Variants in ART3 observed in about 807,000 individuals in gnomAD.
The protein encoded by ART3 is ADP-ribosyltransferase 3 (inactive).
Under a neutral mutation model 48.5 loss-of-function variants are expected in ART3, and 49 were observed. The observed-to-expected ratio is 1.01, with a 90% CI of 0.80 to 1.28. The LOEUF is 1.28. ART3 is among the 50% of genes most tolerant of loss of function. ART3 has a pLI of 0.00. For missense variants in ART3, 438 were observed against 454.3 expected, an observed-to-expected ratio of 0.96 and a Z score of 0.33; for synonymous variants, 145 against 157.2, an observed-to-expected ratio of 0.92 and a Z score of 0.58.
At chr4:76,086,818 C>T (rs1227778682) in intron 3 of ART3, among the ~76,000 whole-genome samples, 1 of 152,200 alleles carries the variant, frequency 6.6e-6, no homozygotes, top group African/African-American at 2.4e-5. Flanking sequence ...TAGACGAGCT[C>T]ATGGGAACTG....
chr4:76,043,331 A>G (rs1312419244), intron 1 of ART3, among the ~76,000 whole-genome samples: 1 of 151,852 alleles, frequency 6.6e-6, no homozygotes, highest in African/African-American at 2.4e-5. Context: ...GGGACTGGGC[A>G]CCGTGGAGCA....
At chr4:76,019,337 C>T (rs1232065067) in intron 1 of ART3, among the ~76,000 whole-genome samples, 1 of 150,118 alleles carries the variant, frequency 6.7e-6, no homozygotes, top group East Asian at 2.0e-4. Flanking sequence ...AAAATACAGT[C>T]ATTATTAAAA....
chr4:76,092,487 A>G (rs1446559532), intron 3 of ART3, among the ~76,000 whole-genome samples: 1 of 152,200 alleles, frequency 6.6e-6, no homozygotes, highest in African/African-American at 2.4e-5. Context: ...CTTCTGACAA[A>G]AAAATCTGCT....
intron 9 of ART3, 134 bp from the exon 10 acceptor site, chr4:76,104,463 T>C (rs1414423712): frequency 8.1e-6 from 12 of 1,473,254 alleles, no homozygotes; most frequent in Admixed American, 2.5e-5. Context: ...AGCAGAACTT[T>C]TAAATAAAAA....
intron 1 of ART3, among the ~76,000 whole-genome samples, chr4:76,040,282 G>A (rs979378987): frequency 2.0e-5 from 3 of 152,112 alleles, no homozygotes; most frequent in African/African-American, 7.2e-5. Context: ...CCAAGATCGC[G>A]TCACTGCACT....
At position 76,044,215 on chromosome 4, in the gene ART3, T is replaced by C. The variant is rs531550425; in HGVS notation, c.-9-31666T>C. ...TGTTGCCCAACTCCAGAGATTGGTA[T>C]AAGAATTTGAAAGGCGTTGTCTGAT... On this transcript the variant is annotated intron_variant, in intron 1 of 9. Transcript: ENST00000341029. Among the ~76,000 whole-genome samples the C allele has an allele frequency of 5.9e-5, 9 of 152,124 alleles. No homozygotes were observed. The South Asian group carries it at 1.7e-3, about 28-fold the overall frequency.
chr4:76,097,421 G>GTT, intron 3 of ART3, among the ~76,000 whole-genome samples: 1 of 151,890 alleles, frequency 6.6e-6, no homozygotes, highest in Non-Finnish European at 1.5e-5. Flanking sequence ...TGCCCAGGCT[G>GTT]GTCTTGAACT....
intron 1 of ART3, among the ~76,000 whole-genome samples, chr4:76,062,261 C>T (rs1352335156): frequency 6.6e-6 from 1 of 152,136 alleles, no homozygotes; most frequent in Non-Finnish European, 1.5e-5. Flanking sequence ...CATTAAAAAG[C>T]ATTAAGTATC....
intron 2 of ART3, among the ~76,000 whole-genome samples, 200 bp from the exon 3 acceptor site, chr4:76,081,624 T>G (rs1451285948): frequency 6.6e-6 from 1 of 152,166 alleles, no homozygotes; most frequent in Non-Finnish European, 1.5e-5. Flanking sequence ...ACATTTACTC[T>G]TTCACACAAA....
rs552789334 is a variant in ART3 at position 76,097,690 on chromosome 4, A to T, written c.814+14A>T. 23 of 1,600,912 alleles carry T rather than the reference A, an allele frequency of 1.4e-5. No individual in the cohort carries two copies. The highest frequency in any genetic ancestry group is 1.7e-4 in the Middle Eastern group (1 of 6,046). ...TTGAGAACCTAGGTAAGATAGCTTT[A>T]AAGTCTTATCCCTATAATAGGAATT... On this transcript the variant is annotated intron_variant, in intron 4 of 11. Transcript: ENST00000355810.
chr4:76,102,131 G>A (rs1436959904), intron 8 of ART3, among the ~76,000 whole-genome samples: 2 of 152,312 alleles, frequency 1.3e-5, no homozygotes, highest in African/African-American at 2.4e-5. Flanking sequence ...ACAGAGAAGA[G>A]CCAAAGAAAG....
chr4:76,025,876 G>A (rs1578221903), intron 1 of ART3, among the ~76,000 whole-genome samples: 1 of 151,622 alleles, frequency 6.6e-6, no homozygotes, highest in African/African-American at 2.4e-5. Context: ...TTTTTTTTCT[G>A]GGCATATGCT....
intron 1 of ART3, among the ~76,000 whole-genome samples, chr4:76,037,306 T>C (rs957149305): frequency 6.6e-6 from 1 of 152,208 alleles, no homozygotes; most frequent in African/African-American, 2.4e-5. Context: ...TGTAGATGTT[T>C]AAGAAAATCA....
chr4:76,026,362 C>G (rs1470037196), intron 1 of ART3, among the ~76,000 whole-genome samples: 2 of 152,026 alleles, frequency 1.3e-5, no homozygotes, highest in African/African-American at 4.8e-5. Flanking sequence ...GAACAGGGAA[C>G]TAAAATGCAT....
rs72869116 is a variant in ART3 at position 76,082,059 on chromosome 4, T to C, written c.305T>C (p.Ile102Thr). The change falls in exon 3 of 12, where the codon ATT becomes ACT. Residue 102 changes from isoleucine (I) to threonine (T), a missense_variant. Transcript: ENST00000355810. Reference protein sequence around the residue: ...DNHGIALMAYISEAQEQTPFY... With the variant: ...DNHGIALMAYTSEAQEQTPFY... Reference sequence around the variant, plus strand: ...CATGGAATAGCCCTGATGGCATATATTTCCGAAGCTCAAGAGCAAACTCCC... The same window carrying C: ...CATGGAATAGCCCTGATGGCATATACTTCCGAAGCTCAAGAGCAAACTCCC... 12,016 of 1,614,174 alleles carry C rather than the reference T, an allele frequency of 7.4e-3. 709 individuals are homozygous for C. The African/African-American group carries it at 0.14, about 18-fold the overall frequency.
At chr4:76,044,380 TG>T (rs1012010132) in intron 1 of ART3, among the ~76,000 whole-genome samples, 57 of 152,086 alleles carry the variant, frequency 3.7e-4, no homozygotes, top group Non-Finnish European at 7.4e-5. Flanking sequence ...TTGGCGTTTT[TG>T]GAGAGTCACT....
chr4:76,104,442 G>A (rs1012073706), intron 9 of ART3, 155 bp from the exon 10 acceptor site: 1 of 985,292 alleles, frequency 1.0e-6, no homozygotes, highest in Non-Finnish European at 1.2e-6. Context: ...TGTATAATAA[G>A]GGTTTACGTA....
chr4:76,024,154 A>G (rs1158181436), intron 1 of ART3, among the ~76,000 whole-genome samples: 3 of 152,222 alleles, frequency 2.0e-5, no homozygotes, highest in African/African-American at 7.2e-5. Context: ...TGGTGTGTTA[A>G]AACAAGTTTC....
intron 1 of ART3, among the ~76,000 whole-genome samples, chr4:76,064,490 G>A (rs1719521427): frequency 1.3e-5 from 2 of 152,162 alleles, no homozygotes; most frequent in Admixed American, 6.5e-5. Flanking sequence ...CCTAACTTGT[G>A]TCTTGTCTTT....
Sources: gnomAD v4.1 joint callset for allele counts (sites outside exome capture counted in the v4.1 genomes callset) on GRCh38, gnomAD v4.1.1 for gene constraint, MANE v1.5 for transcripts, NCBI Gene and HGNC (gene_info 2026-07-23, HGNC 2026-07-21) for gene names.